The following SNTG1 variants were observed in gnomAD, a reference collection of about 807,000 sequenced individuals.
SNTG1 encodes syntrophin gamma 1.
Under a neutral mutation model 74.7 loss-of-function variants are expected in SNTG1, and 39 were observed. The observed-to-expected ratio is 0.52, with a 90% CI of 0.40 to 0.68. The LOEUF (loss-of-function observed/expected upper bound fraction) is 0.68, where lower values mean the gene tolerates loss of function less well. Ranked by LOEUF, SNTG1 falls within the 30% of genes least tolerant of loss-of-function variation. SNTG1 has a pLI of 0.00. For synonymous variants in SNTG1, 254 were observed against 217.1 expected (o/e 1.17, Z -1.49); for missense variants, 685 against 609.5 (o/e 1.12, Z -1.30).
rs1266701945 is a variant in SNTG1, at chr8:50,472,541, C to G, written c.363+21812C>G. On this transcript the variant is annotated intron_variant, in intron 8 of 18. Coordinates refer to ENST00000642720, the MANE Select transcript of SNTG1 (RefSeq NM_018967.5). ...TAACTCAAAATGGATGATTAAAGAT[C>G]TAATAAGACCTAAAAAAATACTAAA... Among the ~76,000 whole-genome samples the G allele has an allele frequency of 3.9e-5, 6 of 151,962 alleles. No homozygotes were observed. The East Asian group carries it at 9.6e-4, about 24-fold the overall frequency.
At chr8:50,689,716 C>G (rs561601644) in intron 15 of SNTG1, among the ~76,000 whole-genome samples, 9 of 151,852 alleles carry the variant, frequency 5.9e-5, no homozygotes, top group Non-Finnish European at 1.0e-4. Context: ...TCTCTTTTTT[C>G]GTTGTGTCTC....
chr8:50,690,493 C>G (rs1466471187), intron 15 of SNTG1, among the ~76,000 whole-genome samples: 2 of 151,998 alleles, frequency 1.3e-5, no homozygotes, highest in Non-Finnish European at 2.9e-5. Context: ...TTCTCCCTTC[C>G]TTTCATTATT....
At chr8:50,716,793 C>T (rs1326065473) in intron 17 of SNTG1, among the ~76,000 whole-genome samples, 1 of 150,838 alleles carries the variant, frequency 6.6e-6, no homozygotes. Context: ...AGTGCAGTGG[C>T]GCGATCTCAG....
intron 8 of SNTG1, among the ~76,000 whole-genome samples, chr8:50,493,719 T>C (rs1262313866): frequency 2.7e-5 from 4 of 150,894 alleles, no homozygotes; most frequent in African/African-American, 9.7e-5. Flanking sequence ...ATTTTGTACA[T>C]GGAAATTTTC....
intron 2 of SNTG1, among the ~76,000 whole-genome samples, chr8:50,286,212 C>T (rs2088773947): frequency 1.3e-5 from 2 of 152,102 alleles, no homozygotes; most frequent in African/African-American, 2.4e-5. Context: ...GCAGAGGAGA[C>T]CAACAAAAAG....
intron 2 of SNTG1, among the ~76,000 whole-genome samples, chr8:50,323,608 T>C (rs1272033106): frequency 6.6e-6 from 1 of 152,174 alleles, no homozygotes; most frequent in Non-Finnish European, 1.5e-5. Context: ...AGCCAGTGTC[T>C]TGGTGTTTTC....
At chr8:50,476,752 C>T (rs112073807) in intron 8 of SNTG1, among the ~76,000 whole-genome samples, 2,495 of 152,106 alleles carry the variant, frequency 0.016, 77 homozygotes, top group African/African-American at 0.057. Context: ...AATGAGCACA[C>T]CTAGTACCTA....
At chr8:50,329,157 A>G (rs1157339432) in intron 2 of SNTG1, among the ~76,000 whole-genome samples, 1 of 152,046 alleles carries the variant, frequency 6.6e-6, no homozygotes, top group South Asian at 2.1e-4. Flanking sequence ...GCAGGGTTCA[A>G]CCTCCCCGAT....
At chr8:50,519,803 A>C (rs1221730576) in intron 9 of SNTG1, among the ~76,000 whole-genome samples, 1 of 152,222 alleles carries the variant, frequency 6.6e-6, no homozygotes, top group Non-Finnish European at 1.5e-5. Flanking sequence ...GAAATAAGAG[A>C]GGACACAATC....
intron 8 of SNTG1, among the ~76,000 whole-genome samples, chr8:50,453,751 T>G (rs930591419): frequency 2.6e-5 from 4 of 152,192 alleles, no homozygotes; most frequent in Non-Finnish European, 5.9e-5. Flanking sequence ...ATGCTGCTGC[T>G]CTTCTCCCTA....
intron 4 of SNTG1, among the ~76,000 whole-genome samples, chr8:50,403,802 A>G (rs1314894865): frequency 6.6e-6 from 1 of 152,204 alleles, no homozygotes; most frequent in South Asian, 2.1e-4. Flanking sequence ...ATATGAATAG[A>G]CAAGAATTTT....
rs2093469092 is a variant in SNTG1, at chr8:50,452,792, T to G, written c.363+2063T>G. Among the ~76,000 whole-genome samples the G allele has an allele frequency of 2.0e-5, 3 of 152,244 alleles. No individual in the cohort carries two copies. The South Asian group carries it at 6.2e-4, about 31-fold the overall frequency. On this transcript the variant is annotated intron_variant, in intron 8 of 18. Coordinates refer to ENST00000642720, the MANE Select transcript of SNTG1 (RefSeq NM_018967.5). Reference sequence around the variant, plus strand: ...TTCTAATATTTCACTTTCCAACAGCTATTAGATGCTTTGTCCTCACTGCTT... The same window carrying G: ...TTCTAATATTTCACTTTCCAACAGCGATTAGATGCTTTGTCCTCACTGCTT...
At chr8:50,467,887 A>G (rs1349401743) in intron 8 of SNTG1, among the ~76,000 whole-genome samples, 1 of 151,822 alleles carries the variant, frequency 6.6e-6, no homozygotes, top group Non-Finnish European at 1.5e-5. Flanking sequence ...CTTCTTAATG[A>G]CTCACATGCT....
chr8:50,437,957 A>T (rs947661700), intron 4 of SNTG1, among the ~76,000 whole-genome samples: 1 of 152,222 alleles, frequency 6.6e-6, no homozygotes, highest in African/African-American at 2.4e-5. Context: ...GTTAAAGTTG[A>T]TAATTCAATT....
chr8:50,238,839 G>C (rs535006947), intron 2 of SNTG1, among the ~76,000 whole-genome samples: 1 of 152,106 alleles, frequency 6.6e-6, no homozygotes, highest in African/African-American at 2.4e-5. Flanking sequence ...AATGTTCATA[G>C]ACAGACACTT....
chr8:50,369,129 G>A (rs142215976), intron 2 of SNTG1, among the ~76,000 whole-genome samples: 36 of 152,232 alleles, frequency 2.4e-4, no homozygotes, highest in African/African-American at 8.4e-4. Flanking sequence ...ATGGATTTGG[G>A]GGAACCAAGG....
intron 1 of SNTG1, among the ~76,000 whole-genome samples, chr8:50,116,913 A>T (rs778234744): frequency 6.6e-6 from 1 of 152,180 alleles, no homozygotes; most frequent in Non-Finnish European, 1.5e-5. Context: ...GTCAAAAAAC[A>T]TCCTGGCATT....
At chr8:50,683,319 G>A (rs2095338616) in intron 15 of SNTG1, among the ~76,000 whole-genome samples, 1 of 152,166 alleles carries the variant, frequency 6.6e-6, no homozygotes, top group Admixed American at 6.5e-5. Context: ...AATAACTATA[G>A]GCATGTATGG....
At chr8:50,230,378 C>G (rs1464891747) in intron 2 of SNTG1, among the ~76,000 whole-genome samples, 2 of 151,148 alleles carry the variant, frequency 1.3e-5, no homozygotes, top group Admixed American at 6.6e-5. Context: ...GACGTCACTA[C>G]AGACCCTGGA....
Sources: allele counts gnomAD v4.1 joint callset (sites outside exome capture counted in the v4.1 genomes callset), GRCh38; gene constraint gnomAD v4.1.1; transcripts MANE v1.5; gene names NCBI Gene and HGNC (gene_info 2026-07-23, HGNC 2026-07-21).